Variants in TTLL8 observed in about 807,000 individuals in gnomAD.
TTLL8 encodes the protein protein monoglycylase TTLL8.
TTLL8 carries 65 observed loss-of-function variants against 77.8 expected under a neutral mutation model. The observed-to-expected ratio is 0.84, with a 90% CI of 0.68 to 1.03. The LOEUF is 1.03. Among genes scored for constraint, TTLL8 ranks in the 50% least tolerant of loss-of-function variants. TTLL8 has a pLI of 0.00. For synonymous variants in TTLL8, 402 were observed against 422.8 expected, an observed-to-expected ratio of 0.95 and a Z score of 0.60; for missense variants, 910 against 1,004.5, an observed-to-expected ratio of 0.91 and a Z score of 1.27.
At chr22:50,029,569 T>A (rs1190224003) in intron 12 of TTLL8, among the ~76,000 whole-genome samples, 1 of 151,238 alleles carries the variant, frequency 6.6e-6, no homozygotes, top group African/African-American at 2.4e-5. Flanking sequence ...TGAAACCCCA[T>A]CTCTACTAAA....
exon 10 of TTLL8, chr22:50,033,252 C>T (rs377655716): frequency 7.4e-7 from 1 of 1,359,550 alleles, no homozygotes; most frequent in South Asian, 1.2e-5. Context: ...GCAAGTAACT[C>T]TCCTTGTAGA....
intron 8 of TTLL8, among the ~76,000 whole-genome samples, chr22:50,035,725 C>T (rs931374264): frequency 1.1e-4 from 16 of 152,226 alleles, no homozygotes; most frequent in Admixed American, 3.9e-4. Flanking sequence ...TCACCCATGA[C>T]GTCCACCATG....
chr22:50,043,936 G>A (rs76824072), intron 6 of TTLL8, among the ~76,000 whole-genome samples: 2,352 of 152,216 alleles, frequency 0.015, 68 homozygotes, highest in African/African-American at 0.054. Context: ...CTGGAATGGT[G>A]GATACACGGC....
chr22:50,043,614 G>A (rs1471485222), intron 6 of TTLL8, among the ~76,000 whole-genome samples: 2 of 151,746 alleles, frequency 1.3e-5, no homozygotes, highest in African/African-American at 4.8e-5. Context: ...CAGTGGTGCC[G>A]ACGTGTCCTT....
intron 8 of TTLL8, among the ~76,000 whole-genome samples, chr22:50,037,937 T>C (rs1037727669): frequency 1.3e-5 from 2 of 152,216 alleles, no homozygotes; most frequent in Non-Finnish European, 2.9e-5. Context: ...TGGGATTACA[T>C]TGACTCTATT....
At chr22:50,053,405 G>C (rs552900075) in intron 1 of TTLL8, among the ~76,000 whole-genome samples, 2 of 152,232 alleles carry the variant, frequency 1.3e-5, no homozygotes, top group South Asian at 4.1e-4. Context: ...AGTGTAGACT[G>C]TAAGAACAAT....
chr22:50,058,011 C>T (rs2061494726), upstream of TTLL8, among the ~76,000 whole-genome samples: 1 of 151,284 alleles, frequency 6.6e-6, no homozygotes, highest in Admixed American at 6.6e-5. The surrounding 1 kb of genome is among the most constrained non-coding windows in gnomAD (Gnocchi z 4.2). Flanking sequence ...AATTTGGAGG[C>T]CCGGGGCGGG....
At chr22:50,051,677 AC>A (rs566503278) in intron 1 of TTLL8, among the ~76,000 whole-genome samples, 1 of 152,054 alleles carries the variant, frequency 6.6e-6, no homozygotes, top group South Asian at 2.1e-4. Context: ...TTCCCTGTTC[AC>A]CACTTCCACG....
intron 8 of TTLL8, among the ~76,000 whole-genome samples, chr22:50,035,440 G>A (rs887234381): frequency 7.2e-5 from 11 of 152,178 alleles, no homozygotes; most frequent in African/African-American, 1.7e-4. Flanking sequence ...AACTGTGGCC[G>A]GGGGTGCCTG....
intron 4 of TTLL8, 154 bp downstream of exon 6, chr22:50,047,014 T>C (rs2061416555): frequency 1.1e-6 from 1 of 898,466 alleles, no homozygotes; most frequent in Non-Finnish European, 1.3e-6. Context: ...GGGCACCGAG[T>C]GATTCTGGCC....
At chr22:50,027,353 G>A (rs975356050) in intron 12 of TTLL8, among the ~76,000 whole-genome samples, 1 of 151,380 alleles carries the variant, frequency 6.6e-6, no homozygotes, top group Non-Finnish European at 1.5e-5. Flanking sequence ...GGCCAACATG[G>A]TGAAACTCTG....
At chr22:50,047,238 A>T in exon 4 of TTLL8, 1 of 1,367,664 alleles carries the variant, frequency 7.3e-7, no homozygotes, top group South Asian at 1.1e-5. Flanking sequence ...GTGATAGTCA[A>T]TGATGTCCCT....
rs371634547 is a variant in TTLL8, at chr22:50,047,157, G to A, written c.393+11C>T. 31 of 1,367,178 alleles carry A rather than the reference G, an allele frequency of 2.3e-5. No individual in the cohort carries two copies. The highest frequency in any genetic ancestry group is 1.4e-4 in the East Asian group (3 of 21,980). The allele number at this position is 1,367,178 out of a possible 1,614,324, so 84.7% of individuals were successfully genotyped here. On this transcript the variant is annotated intron_variant, in intron 4 of 13. Transcript: ENST00000266182. ...GCCGGCTCCCGCCACGCTCAAGCGC[G>A]GCCGGCTCACCTTGGTGGTGAAGGA...
Position 50,041,637 on chromosome 22 carries a change from A to G in TTLL8, c.814T>C (p.Tyr272His). ...AAGTCTTACTGAACGAGGGAGTAGTACTGCTGGGTCAGGTCCTCCCACTCG... is the reference window on the plus strand; with the variant it reads ...AAGTCTTACTGAACGAGGGAGTAGTGCTGCTGGGTCAGGTCCTCCCACTCG... Residue 272 changes from tyrosine to histidine, a missense_variant, in exon 7 of 14, where the codon TAC (tyrosine) becomes CAC (histidine). Coordinates refer to ENST00000266182, the Ensembl canonical transcript of TTLL8. The surrounding 1 kb of genome is among the most constrained non-coding windows in gnomAD (Gnocchi z 4.3). 1 of 1,364,994 alleles carries G rather than the reference A, an allele frequency of 7.3e-7. No individual in the cohort carries two copies. Among genetic ancestry groups the G allele is most frequent in the Non-Finnish European group, 9.8e-7 (1 of 1,020,874 alleles). The allele number at this position is 1,364,994 out of a possible 1,614,324, so 84.6% of individuals were successfully genotyped here. A position where few individuals can be genotyped will look rare whatever the true frequency, so the allele number is the denominator to read the frequency against.
In TTLL8 at chr22:50,020,576, G is replaced by A. The variant is rs111586857; in HGVS notation, c.2204-4014C>T. Among the ~76,000 whole-genome samples, 350 of 101,932 alleles carry A rather than the reference G, an allele frequency of 3.4e-3. 5 individuals are homozygous for A. The highest frequency in any genetic ancestry group is 0.011 in the African/African-American group (327 of 29,698). The allele number at this position is 101,932 out of a possible 152,430, so 66.9% of individuals were successfully genotyped here. A position where few individuals can be genotyped will look rare whatever the true frequency, so the allele number is the denominator to read the frequency against. On this transcript the variant is annotated intron_variant, in intron 12 of 13. Transcript: ENST00000266182. ...GACATGCACTCCTCCATCTGACAAC[G>A]TGCACTCCTCCATTTGACGTGAACT...
At chr22:50,052,219 C>A (rs750333050) in intron 1 of TTLL8, among the ~76,000 whole-genome samples, 1 of 152,158 alleles carries the variant, frequency 6.6e-6, no homozygotes, top group South Asian at 2.1e-4. Context: ...TTGGGGAGAA[C>A]GGTGGGGGAG....
intron 12 of TTLL8, among the ~76,000 whole-genome samples, chr22:50,025,037 C>T (rs2061223654): frequency 6.6e-6 from 1 of 152,108 alleles, no homozygotes; most frequent in South Asian, 2.1e-4. Flanking sequence ...TTGGCTTTTA[C>T]AACACCATAC....
At position 50,032,165 on chromosome 22, in the gene TTLL8, A is replaced by C; in HGVS notation, c.1284-56T>G. On this transcript the variant is annotated intron_variant, in intron 10 of 13. Coordinates refer to ENST00000266182, the Ensembl canonical transcript of TTLL8. ...CCTCCCTTGGCCCAGGAGGGCACCC[A>C]AGGCCGGTCCTCCCAGCCGTGCTGA... 3 of 1,301,154 alleles carry C rather than the reference A, an allele frequency of 2.3e-6. No individual in the cohort carries two copies. In the Admixed American group the frequency reaches 6.3e-5, roughly 27 times the overall value. 80.6% of individuals were successfully genotyped at this position (1,301,154 alleles called of 1,614,324 possible).
intron 12 of TTLL8, chr22:50,027,592 C>A (rs1036320878): frequency 1.0e-6 from 1 of 974,300 alleles, no homozygotes; most frequent in Non-Finnish European, 1.2e-6. Context: ...TCAAGGTGAT[C>A]CCAGTCAAAG....
Sources: gnomAD v4.1 joint callset for allele counts (sites outside exome capture counted in the v4.1 genomes callset) on GRCh38, gnomAD v4.1.1 for gene constraint, Gnocchi (gnomAD v3.1) non-coding constraint, MANE v1.5 for transcripts, NCBI Gene and HGNC (gene_info 2026-07-23, HGNC 2026-07-21) for gene names.